The following ZFAND3 variants were observed in gnomAD, a reference collection of about 807,000 sequenced individuals.
ZFAND3 encodes the protein AN1-type zinc finger protein 3.
In ZFAND3, 10 loss-of-function variants were observed where a neutral mutation model predicts 29.6. The observed-to-expected ratio is 0.34, with a 90% CI of 0.21 to 0.57. The LOEUF (loss-of-function observed/expected upper bound fraction) is 0.57, where lower values mean the gene tolerates loss of function less well. ZFAND3 is among the 20% of genes least tolerant of loss of function. ZFAND3 has a pLI of 0.86. For synonymous variants in ZFAND3, 128 were observed against 112.6 expected (o/e 1.14, Z -0.87); for missense variants, 230 against 304.5 (o/e 0.76, Z 1.82).
At chr6:37,877,170 C>T (rs73730823) in intron 1 of ZFAND3, among the ~76,000 whole-genome samples, 4,535 of 152,220 alleles carry the variant, frequency 0.03, 176 homozygotes, top group African/African-American at 0.086. Context: ...TATTGTTTAT[C>T]CTGATTATGG....
chr6:37,916,901 A>G (rs1053790252), intron 1 of ZFAND3, among the ~76,000 whole-genome samples: 39 of 152,230 alleles, frequency 2.6e-4, no homozygotes, highest in African/African-American at 9.1e-4. Flanking sequence ...GTATAACCAC[A>G]CTATGTATAC....
chr6:37,919,434 A>G (rs80176419), intron 1 of ZFAND3, among the ~76,000 whole-genome samples: 3,479 of 152,326 alleles, frequency 0.023, 63 homozygotes, highest in Middle Eastern at 0.051. Context: ...TCAGACTTCA[A>G]TATTTACCAA....
At chr6:38,043,801 C>T (rs1561978155) in intron 2 of ZFAND3, among the ~76,000 whole-genome samples, 1 of 150,230 alleles carries the variant, frequency 6.7e-6, no homozygotes, top group African/African-American at 2.5e-5. Context: ...TGCTCGCTTG[C>T]TTATTTATTT....
chr6:38,094,554 A>G (rs1198597320), intron 4 of ZFAND3, among the ~76,000 whole-genome samples: 1 of 152,166 alleles, frequency 6.6e-6, no homozygotes, highest in African/African-American at 2.4e-5. Flanking sequence ...GAGGAAAATA[A>G]TGCTTAAAGT....
chr6:37,994,697 G>T (rs1762820111), intron 2 of ZFAND3, among the ~76,000 whole-genome samples: 1 of 152,160 alleles, frequency 6.6e-6, no homozygotes, highest in South Asian at 2.1e-4. Context: ...CAGCTGCTTA[G>T]TTACAACTCT....
At position 37,896,492 on chromosome 6, in the gene ZFAND3, G is replaced by A. The variant is rs188956041; in HGVS notation, c.72-33467G>A. Among the ~76,000 whole-genome samples the A allele has an allele frequency of 5.6e-5, 8 of 142,358 alleles. No homozygotes were observed. In the East Asian group the frequency reaches 1.7e-3, roughly 29 times the overall value. The allele number at this position is 142,358 out of a possible 152,430, so 93.4% of individuals were successfully genotyped here. A position where few individuals can be genotyped will look rare whatever the true frequency, so the allele number is the denominator to read the frequency against. On this transcript the variant is annotated intron_variant, in intron 1 of 5. Transcript: ENST00000287218. ...ATCTGTGTTCATGAATGAGGCTGGT[G>A]TCTTAATTTTTTTCCTCTTTCTTTT... is the stretch of plus-strand genomic sequence containing the variant.
At chr6:37,858,020 C>T (rs544569329) in intron 1 of ZFAND3, among the ~76,000 whole-genome samples, 80 of 152,282 alleles carry the variant, frequency 5.3e-4, no homozygotes, top group Admixed American at 1.8e-3. Flanking sequence ...TTAGAGTACT[C>T]TTGGTGGAGA....
intron 1 of ZFAND3, among the ~76,000 whole-genome samples, chr6:37,888,915 A>T (rs1561923196): frequency 6.6e-6 from 1 of 152,254 alleles, no homozygotes; most frequent in African/African-American, 2.4e-5. Context: ...TAAAATTACT[A>T]TGAAGTTTCT....
At chr6:38,148,417 C>T (rs1362178048) in intron 5 of ZFAND3, among the ~76,000 whole-genome samples, 1 of 152,210 alleles carries the variant, frequency 6.6e-6, no homozygotes. Context: ...TTCATCCCTT[C>T]TGGATGCCAC....
chr6:37,923,518 T>C (rs995905927), intron 1 of ZFAND3, among the ~76,000 whole-genome samples: 3 of 152,224 alleles, frequency 2.0e-5, no homozygotes, highest in Admixed American at 6.5e-5. Context: ...CTTCCTCTTC[T>C]TTTTTTAGTA....
At chr6:38,090,118 G>T (rs542773811) in intron 4 of ZFAND3, among the ~76,000 whole-genome samples, 10 of 152,314 alleles carry the variant, frequency 6.6e-5, no homozygotes, top group South Asian at 6.2e-4. Flanking sequence ...CTCCCAAAGT[G>T]CTGGGATTAC....
At chr6:37,829,718 TC>T (rs1763825175) in intron 1 of ZFAND3, among the ~76,000 whole-genome samples, 1 of 152,174 alleles carries the variant, frequency 6.6e-6, no homozygotes, top group Admixed American at 6.5e-5. Flanking sequence ...CTCACCCTGT[TC>T]CCCCAACCTC....
intron 4 of ZFAND3, among the ~76,000 whole-genome samples, chr6:38,111,820 CA>C (rs1562003602): frequency 6.6e-6 from 1 of 152,108 alleles, no homozygotes; most frequent in Non-Finnish European, 1.5e-5. Flanking sequence ...TCAGCTGTAA[CA>C]GGGGTCAGCG....
chr6:38,069,117 ATT>A (rs72189427), intron 3 of ZFAND3, among the ~76,000 whole-genome samples: 4,487 of 152,124 alleles, frequency 0.029, 171 homozygotes, highest in African/African-American at 0.085. Flanking sequence ...TAAACTTCTG[ATT>A]TGTTTGTTTT....
intron 1 of ZFAND3, among the ~76,000 whole-genome samples, chr6:37,880,160 A>C (rs1764865870): frequency 6.6e-6 from 1 of 152,226 alleles, no homozygotes; most frequent in South Asian, 2.1e-4. Flanking sequence ...AAAATGTAGC[A>C]ACAAAAACTC....
intron 2 of ZFAND3, among the ~76,000 whole-genome samples, chr6:37,954,122 C>G (rs747658894): frequency 1.3e-5 from 2 of 151,914 alleles, no homozygotes; most frequent in Non-Finnish European, 2.9e-5. Flanking sequence ...TTAACATATC[C>G]TTTTTTTCTC....
At chr6:38,037,618 T>G (rs1763684669) in intron 2 of ZFAND3, among the ~76,000 whole-genome samples, 1 of 152,168 alleles carries the variant, frequency 6.6e-6, no homozygotes. Context: ...GCAAACAACT[T>G]ATTCATGCCC....
intron 4 of ZFAND3, among the ~76,000 whole-genome samples, chr6:38,090,237 C>G (rs1457919337): frequency 6.6e-6 from 1 of 152,178 alleles, no homozygotes; most frequent in Non-Finnish European, 1.5e-5. Context: ...GCTCTTCCCT[C>G]AGGTCTGCAG....
At chr6:38,057,961 A>G (rs1764162777) in intron 2 of ZFAND3, among the ~76,000 whole-genome samples, 1 of 152,210 alleles carries the variant, frequency 6.6e-6, no homozygotes, top group Non-Finnish European at 1.5e-5. Flanking sequence ...GTGCAGGTGT[A>G]GAAAAGGCAT....
Sources: gnomAD v4.1 joint callset for allele counts (sites outside exome capture counted in the v4.1 genomes callset) on GRCh38, gnomAD v4.1.1 for gene constraint, MANE v1.5 for transcripts, NCBI Gene and HGNC (gene_info 2026-07-23, HGNC 2026-07-21) for gene names.